LAMA2: variants seen among roughly 807,000 people sequenced by gnomAD.
LAMA2 encodes the protein laminin subunit alpha 2, also known as laminin subunit alpha-2.
Under a neutral mutation model 364.8 loss-of-function variants are expected in LAMA2, and 269 were observed. The ratio of observed to expected loss-of-function variants is 0.74; its 90% CI spans 0.67 to 0.82. LAMA2 has a LOEUF of 0.82. Ranked by LOEUF, LAMA2 falls within the 40% of genes least tolerant of loss-of-function variation. The pLI is 0.00. For synonymous variants in LAMA2, 1,379 were observed against 1,370.6 expected (o/e 1.01, Z -0.14); for missense variants, 3,807 against 3,873.2 (o/e 0.98, Z 0.45).
At chr6:129,074,859 C>T (rs922023363) in intron 3 of LAMA2, among the ~76,000 whole-genome samples, 1 of 152,070 alleles carries the variant, frequency 6.6e-6, no homozygotes, top group African/African-American at 2.4e-5. Flanking sequence ...AAAGCAGGTG[C>T]TATTCTTAGT....
intron 37 of LAMA2, 107 bp from the exon 38 acceptor site, chr6:129,401,117 A>G: frequency 1.2e-6 from 1 of 803,128 alleles, no homozygotes; most frequent in South Asian, 1.4e-5. Context: ...AACATGATGT[A>G]CCTTTTTTGC....
chr6:129,004,880 A>G (rs1035369538), intron 1 of LAMA2, among the ~76,000 whole-genome samples: 16 of 151,798 alleles, frequency 1.1e-4, no homozygotes, highest in Non-Finnish European at 2.2e-4. Flanking sequence ...ACTTTTCAGG[A>G]TATATATATA....
chr6:129,393,338 G>A, intron 37 of LAMA2, 83 bp downstream of exon 37: 1 of 1,007,698 alleles, frequency 9.9e-7, no homozygotes, highest in Non-Finnish European at 1.6e-6. Context: ...GACTATTCAA[G>A]TTGATGCACA....
At chr6:128,900,184 A>G (rs1171477377) in intron 1 of LAMA2, among the ~76,000 whole-genome samples, 1 of 152,230 alleles carries the variant, frequency 6.6e-6, no homozygotes, top group Non-Finnish European at 1.5e-5. Flanking sequence ...CTTAGAATTA[A>G]TCAAACATCT....
At chr6:129,244,016 G>T (rs1373963561) in intron 12 of LAMA2, among the ~76,000 whole-genome samples, 1 of 151,908 alleles carries the variant, frequency 6.6e-6, no homozygotes, top group Non-Finnish European at 1.5e-5. Flanking sequence ...TTTCCTCGAG[G>T]TTTTTTATTT....
chr6:129,495,424 A>C (rs1344433855), intron 58 of LAMA2, among the ~76,000 whole-genome samples: 1 of 152,194 alleles, frequency 6.6e-6, no homozygotes, highest in Non-Finnish European at 1.5e-5. Context: ...CCTACTGCTC[A>C]AAAGGAAGTC....
intron 41 of LAMA2, among the ~76,000 whole-genome samples, chr6:129,430,071 C>T (rs772454284): frequency 1.2e-3 from 177 of 152,220 alleles, no homozygotes; most frequent in Non-Finnish European, 1.7e-3. Context: ...AAGGCTATGA[C>T]GGAGATGGGA....
At position 129,196,966 on chromosome 6, in the gene LAMA2, C is replaced by T. The variant is rs1048368530; in HGVS notation, c.1782+4113C>T. Among the ~76,000 whole-genome samples, 7 of 152,026 alleles carry T rather than the reference C, an allele frequency of 4.6e-5. No individual in the cohort carries two copies. The East Asian group carries it at 5.8e-4, about 13-fold the overall frequency. ...GAAACCTGAACATCATGGGAAGGGA[C>T]GATTACACATTCCTCATTATACCCT... On this transcript the variant is annotated intron_variant, in intron 12 of 64. Coordinates refer to ENST00000421865, the MANE Select transcript of LAMA2 (RefSeq NM_000426.4).
At chr6:128,962,139 C>CATAT (rs55906092) in intron 1 of LAMA2, among the ~76,000 whole-genome samples, 1,104 of 37,990 alleles carry the variant, frequency 0.029, 44 homozygotes, top group Middle Eastern at 0.037. Flanking sequence ...TCCTCTGGAC[C>CATAT]ATATATATAT....
intron 27 of LAMA2, among the ~76,000 whole-genome samples, chr6:129,316,386 A>C (rs1774611214): frequency 6.6e-6 from 1 of 152,222 alleles, no homozygotes; most frequent in Non-Finnish European, 1.5e-5. Flanking sequence ...AGGGAAAAAA[A>C]AATATGGAAT....
chr6:129,353,098 A>C lies in LAMA2; in HGVS notation c.4524-66A>C, dbSNP rs930104356. 5.5e-6 allele frequency: 7 copies of C among 1,279,510 alleles called. No individual in the cohort carries two copies. In the East Asian group the frequency reaches 1.4e-4, roughly 26 times the overall value. The allele number at this position is 1,279,510 out of a possible 1,614,324, so 79.3% of individuals were successfully genotyped here. On this transcript the variant is annotated intron_variant, in intron 31 of 64. Transcript: ENST00000421865. ...TTTTGTTGCATCAAAACAAAAGACC[A>C]CACACAACAATGTGGAGACATGACT...
chr6:129,267,554 T>A (rs1238282295), intron 16 of LAMA2, among the ~76,000 whole-genome samples: 1 of 152,080 alleles, frequency 6.6e-6, no homozygotes, highest in Non-Finnish European at 1.5e-5. Flanking sequence ...AGTGTACTTT[T>A]AAAATAGAAA....
chr6:129,417,033 AGG>A (rs1780830296), intron 40 of LAMA2, among the ~76,000 whole-genome samples: 1 of 152,152 alleles, frequency 6.6e-6, no homozygotes, highest in Non-Finnish European at 1.5e-5. Flanking sequence ...GCCCTGGCTC[AGG>A]GAGTCCATAG....
chr6:129,184,346 G>A (rs1781106475), intron 10 of LAMA2, among the ~76,000 whole-genome samples: 2 of 151,884 alleles, frequency 1.3e-5, no homozygotes, highest in South Asian at 4.1e-4. Context: ...ATGCATGAAT[G>A]AATTTATCTC....
At chr6:128,972,154 T>A (rs930581815) in intron 1 of LAMA2, among the ~76,000 whole-genome samples, 3 of 152,224 alleles carry the variant, frequency 2.0e-5, no homozygotes, top group African/African-American at 7.2e-5. Flanking sequence ...GGTAACACTT[T>A]ATTAAACATT....
At chr6:129,321,703 A>G (rs1774978502) in intron 28 of LAMA2, among the ~76,000 whole-genome samples, 1 of 152,220 alleles carries the variant, frequency 6.6e-6, no homozygotes, top group Admixed American at 6.5e-5. Context: ...TGTAATCACT[A>G]GTTATATACC....
intron 4 of LAMA2, among the ~76,000 whole-genome samples, chr6:129,140,320 G>C (rs538541178): frequency 2.0e-5 from 3 of 151,954 alleles, no homozygotes; most frequent in Non-Finnish European, 4.4e-5. Context: ...TAGTTATTTG[G>C]TTATAAAAAG....
chr6:128,903,619 A>G (rs909544686), intron 1 of LAMA2, among the ~76,000 whole-genome samples: 1 of 152,234 alleles, frequency 6.6e-6, no homozygotes, highest in African/African-American at 2.4e-5. Flanking sequence ...CTTTGTGGAC[A>G]TTAAGCTGTA....
intron 44 of LAMA2, among the ~76,000 whole-genome samples, chr6:129,443,394 G>A (rs1401140768): frequency 6.6e-6 from 1 of 152,104 alleles, no homozygotes; most frequent in Admixed American, 6.6e-5. Context: ...ATCAGCCTGG[G>A]AAACATAGCA....
Sources: gnomAD v4.1 joint callset for allele counts (sites outside exome capture counted in the v4.1 genomes callset) on GRCh38, gnomAD v4.1.1 for gene constraint, MANE v1.5 for transcripts, NCBI Gene and HGNC (gene_info 2026-07-23, HGNC 2026-07-21) for gene names.